The following PTPRM variants were observed in gnomAD, a reference collection of about 807,000 sequenced individuals.
PTPRM encodes protein tyrosine phosphatase receptor type M, also known as receptor-type tyrosine-protein phosphatase mu.
A neutral mutation model predicts 186.7 loss-of-function variants in PTPRM; 47 were observed. That is an observed-to-expected ratio of 0.25 (90% CI 0.20 to 0.32). The LOEUF (loss-of-function observed/expected upper bound fraction) is 0.32. Ranked by LOEUF, PTPRM falls within the 10% of genes least tolerant of loss-of-function variation. The probability of loss-of-function intolerance (pLI) is 1.00; values close to 1 mark genes in which losing one functional copy is unlikely to be tolerated. For missense variants in PTPRM, 1,494 were observed against 1,865.0 expected, an observed-to-expected ratio of 0.80 and a Z score of 3.66; for synonymous variants, 668 against 674.9, an observed-to-expected ratio of 0.99 and a Z score of 0.16.
At chr18:7,924,984 G>T (rs183622461) in intron 4 of PTPRM, among the ~76,000 whole-genome samples, 232 of 152,278 alleles carry the variant, frequency 1.5e-3, no homozygotes, top group African/African-American at 5.2e-3. Context: ...ACCCATAAGT[G>T]TTCCCCATCT....
intron 2 of PTPRM, among the ~76,000 whole-genome samples, chr18:7,865,054 T>C (rs2047607819): frequency 6.6e-6 from 1 of 152,260 alleles, no homozygotes; most frequent in African/African-American, 2.4e-5. Context: ...TTATGTATCC[T>C]GAGACTTTGC....
chr18:7,684,199 C>T (rs2039543999), intron 1 of PTPRM, among the ~76,000 whole-genome samples: 1 of 151,892 alleles, frequency 6.6e-6, no homozygotes, highest in African/African-American at 2.4e-5. Flanking sequence ...ATTCGGGAGA[C>T]TGAGGCAGGA....
At chr18:7,629,804 ACAT>A (rs1258267605) in intron 1 of PTPRM, among the ~76,000 whole-genome samples, 1 of 152,114 alleles carries the variant, frequency 6.6e-6, no homozygotes, top group Admixed American at 6.6e-5. Flanking sequence ...CTCAAAATAC[ACAT>A]CATATTTTTA....
intron 2 of PTPRM, among the ~76,000 whole-genome samples, chr18:7,856,535 T>C (rs1382974588): frequency 6.6e-6 from 1 of 151,694 alleles, no homozygotes; most frequent in East Asian, 1.9e-4. Context: ...GCCCAGGAGT[T>C]CAAGACCAAT....
chr18:7,768,696 G>A (rs1478270931), intron 1 of PTPRM, among the ~76,000 whole-genome samples: 1 of 150,610 alleles, frequency 6.6e-6, no homozygotes, highest in Non-Finnish European at 1.5e-5. Flanking sequence ...GCCCAGGCTG[G>A]AGGGCAATGG....
intron 14 of PTPRM, among the ~76,000 whole-genome samples, chr18:8,146,360 A>G (rs1600829225): frequency 6.6e-6 from 1 of 152,134 alleles, no homozygotes; most frequent in South Asian, 2.1e-4. Flanking sequence ...CTGGCATAAT[A>G]TGGTATCTCA....
intron 14 of PTPRM, among the ~76,000 whole-genome samples, chr18:8,176,388 ACTT>A (rs1249836237): frequency 1.3e-5 from 2 of 152,202 alleles, no homozygotes; most frequent in African/African-American, 4.8e-5. Context: ...GGATCTGGTG[ACTT>A]CTTAAGTCCT....
At chr18:7,852,034 T>C (rs2046885734) in intron 2 of PTPRM, among the ~76,000 whole-genome samples, 1 of 152,022 alleles carries the variant, frequency 6.6e-6, no homozygotes, top group South Asian at 2.1e-4. Context: ...AGAAGGGATA[T>C]GTAAAGAACA....
At chr18:8,375,977 C>G (rs1244297262) in intron 24 of PTPRM, 69 bp from the exon 25 acceptor site, 1 of 1,498,180 alleles carries the variant, frequency 6.7e-7, no homozygotes, top group Non-Finnish European at 9.1e-7. Flanking sequence ...ACTCCCCCAG[C>G]TATCCCTGCT....
chr18:8,102,238 T>A (rs538594059), intron 11 of PTPRM, among the ~76,000 whole-genome samples: 1 of 152,326 alleles, frequency 6.6e-6, no homozygotes, highest in African/African-American at 2.4e-5. Flanking sequence ...AGGGTGGTAG[T>A]TTCTGAAGGT....
intron 1 of PTPRM, among the ~76,000 whole-genome samples, chr18:7,716,996 C>A (rs1180596956): frequency 6.6e-6 from 1 of 152,160 alleles, no homozygotes; most frequent in Non-Finnish European, 1.5e-5. Flanking sequence ...ATAAATCATT[C>A]TACTATAAAG....
chr18:8,304,821 A>ATTTTTTTTTTTT (rs34216473), intron 20 of PTPRM, among the ~76,000 whole-genome samples: 1 of 131,294 alleles, frequency 7.6e-6, no homozygotes, highest in African/African-American at 2.7e-5. Context: ...TGTTGACTTT[A>ATTTTTTTTTTTT]TTTTTTTTTT....
intron 8 of PTPRM, 110 bp downstream of exon 8, chr18:8,070,104 A>C (rs1445351836): frequency 1.0e-6 from 1 of 980,542 alleles, no homozygotes; most frequent in Non-Finnish European, 1.5e-6. Flanking sequence ...TATTTTGTTG[A>C]ACAACACAAA....
intron 4 of PTPRM, among the ~76,000 whole-genome samples, chr18:7,910,928 G>A (rs569564140): frequency 5.3e-5 from 8 of 152,120 alleles, no homozygotes; most frequent in South Asian, 2.1e-4. Context: ...CTATTCTCCC[G>A]ACTTACTCTG....
chr18:8,319,091 A>G, intron 21 of PTPRM, 87 bp from the exon 22 acceptor site: 1 of 897,404 alleles, frequency 1.1e-6, no homozygotes, highest in Non-Finnish European at 1.8e-6. Flanking sequence ...GTTTGTGTGC[A>G]CATTCCTTTC....
At chr18:8,355,050 A>C (rs7226445) in intron 23 of PTPRM, among the ~76,000 whole-genome samples, 45,219 of 152,088 alleles carry the variant, frequency 0.3, 7,093 homozygotes, top group Middle Eastern at 0.52. Context: ...AAAATCACAG[A>C]CAAGACAGAA....
chr18:7,741,181 T>C (rs1029215563), intron 1 of PTPRM: 1 of 152,124 alleles, frequency 6.6e-6, no homozygotes, highest in African/African-American at 2.4e-5. Flanking sequence ...TTATTCTGAG[T>C]TCAAAATGAG....
At chr18:7,679,388 G>A (rs2039426135) in intron 1 of PTPRM, among the ~76,000 whole-genome samples, 1 of 151,982 alleles carries the variant, frequency 6.6e-6, no homozygotes, top group Non-Finnish European at 1.5e-5. Flanking sequence ...ACTGGGCTGG[G>A]GTGCAGTGGC....
chr18:7,567,675 C>A lies in PTPRM; in HGVS notation c.-144C>A. On this transcript the variant is annotated 5_prime_UTR_variant, in exon 1 of 33. The change creates a new upstream start codon in the 5' untranslated region. Transcript: ENST00000580170. This position sits in a 1 kb window ranked among gnomAD's most constrained non-coding sequence, Gnocchi z 4.3. The stretch of plus-strand genomic sequence containing the variant: ...GCCGCTGGAGTTCGGACTTCTGCAA[C>A]TGTTGGCACTTTGGGGGCTTGGCTT... The A allele has an allele frequency of 2.9e-6, 2 of 681,102 alleles. No individual in the cohort carries two copies. Among genetic ancestry groups the A allele is most frequent in the Non-Finnish European group, 4.5e-6 (2 of 446,356 alleles). 42.2% of individuals were successfully genotyped at this position (681,102 alleles called of 1,614,324 possible).
Sources: gnomAD v4.1 joint callset for allele counts (sites outside exome capture counted in the v4.1 genomes callset) on GRCh38, gnomAD v4.1.1 for gene constraint, Gnocchi (gnomAD v3.1) non-coding constraint, MANE v1.5 for transcripts, NCBI Gene and HGNC (gene_info 2026-07-23, HGNC 2026-07-21) for gene names.